RUFY4: variants seen among roughly 807,000 people sequenced by gnomAD.
The protein encoded by RUFY4 is RUN and FYVE domain-containing protein 4.
Under a neutral mutation model 69.0 loss-of-function variants are expected in RUFY4, and 73 were observed. The ratio of observed to expected loss-of-function variants is 1.06; its 90% confidence interval spans 0.88 to 1.29. The LOEUF is 1.29. Among genes scored for constraint, RUFY4 ranks in the 50% most tolerant of loss-of-function variants. The pLI is 0.00. For missense variants in RUFY4, 770 were observed against 705.6 expected (o/e 1.09, Z -1.03); for synonymous variants, 287 against 271.8 (o/e 1.06, Z -0.55).
At chr2:218,066,950 C>T (rs911784630), upstream of RUFY4, among the ~76,000 whole-genome samples, 7 of 152,192 alleles carry the variant, frequency 4.6e-5, no homozygotes, top group Admixed American at 2.0e-4. Flanking sequence ...CTGAGGATAC[C>T]GATACACCTG....
At chr2:218,088,348 C>G (rs1219750699) in intron 9 of RUFY4, among the ~76,000 whole-genome samples, 1 of 151,408 alleles carries the variant, frequency 6.6e-6, no homozygotes, top group Non-Finnish European at 1.5e-5. Flanking sequence ...GTCCCAGCTA[C>G]TCAGGAGGCT....
upstream of RUFY4, among the ~76,000 whole-genome samples, chr2:218,066,646 A>G (rs1689339231): frequency 6.6e-6 from 1 of 152,210 alleles, no homozygotes; most frequent in African/African-American, 2.4e-5. Flanking sequence ...TATACCCTCC[A>G]CCAGCTTTTC....
intron 2 of RUFY4, among the ~76,000 whole-genome samples, 190 bp from the exon 5 acceptor site, chr2:218,072,184 C>G (rs1689504279): frequency 6.6e-6 from 1 of 152,310 alleles, no homozygotes; most frequent in Admixed American, 6.5e-5. Context: ...TGAATAAGAA[C>G]ACTGAGGCTC....
At chr2:218,084,024 A>G (rs1368072686) in intron 9 of RUFY4, among the ~76,000 whole-genome samples, 25 of 152,146 alleles carry the variant, frequency 1.6e-4, no homozygotes, top group Admixed American at 1.6e-3. Context: ...CAGCTGTCCT[A>G]GGTTCCAGAC....
At chr2:218,045,982 A>AT (rs1025554839) in intron 2 of RUFY4, among the ~76,000 whole-genome samples, 11 of 151,658 alleles carry the variant, frequency 7.3e-5, no homozygotes, top group Non-Finnish European at 1.3e-4. Flanking sequence ...TTTTTTTTGT[A>AT]TTTTTAGTAG....
intron 2 of RUFY4, among the ~76,000 whole-genome samples, chr2:218,052,791 A>T (rs1688976533): frequency 6.6e-6 from 1 of 150,970 alleles, no homozygotes; most frequent in African/African-American, 2.4e-5. Context: ...TAATATTAAT[A>T]AACTAATATT....
intron 2 of RUFY4, among the ~76,000 whole-genome samples, chr2:218,050,654 A>G (rs1190334955): frequency 6.6e-6 from 1 of 152,060 alleles, no homozygotes; most frequent in South Asian, 2.1e-4. Flanking sequence ...TCTCTGTATT[A>G]CCACACATTT....
At chr2:218,068,210 G>A (rs1449832482), upstream of RUFY4, among the ~76,000 whole-genome samples, 11 of 150,324 alleles carry the variant, frequency 7.3e-5, no homozygotes, top group Middle Eastern at 6.9e-3. Flanking sequence ...CAGGGGGCTG[G>A]AGGATGGCAG....
intron 2 of RUFY4, among the ~76,000 whole-genome samples, chr2:218,049,905 C>T (rs528982984): frequency 1.3e-5 from 2 of 152,178 alleles, no homozygotes; most frequent in Non-Finnish European, 2.9e-5. Context: ...GTGATAGTGA[C>T]AGGAGACAGA....
At chr2:218,056,200 T>C (rs1689059567) in intron 2 of RUFY4, among the ~76,000 whole-genome samples, 1 of 152,078 alleles carries the variant, frequency 6.6e-6, no homozygotes, top group African/African-American at 2.4e-5. Flanking sequence ...ATTGTACAAA[T>C]TGGATTTATT....
intron 2 of RUFY4, among the ~76,000 whole-genome samples, chr2:218,051,589 C>T (rs1356936555): frequency 8.9e-6 from 1 of 112,230 alleles, no homozygotes; most frequent in African/African-American, 3.1e-5. Flanking sequence ...AAAAAAAAAA[C>T]ACAGAAAAGT....
At chr2:218,075,048 G>A in intron 6 of RUFY4, 45 bp from the exon 9 acceptor site, 1 of 1,472,852 alleles carries the variant, frequency 6.8e-7, no homozygotes, top group Non-Finnish European at 9.0e-7. Context: ...CCAGGTCAGT[G>A]AATTGGTGCT....
intron 2 of RUFY4, among the ~76,000 whole-genome samples, chr2:218,050,552 C>G (rs1436333070): frequency 1.3e-5 from 2 of 152,224 alleles, no homozygotes; most frequent in Non-Finnish European, 2.9e-5. Context: ...GTGAAAGAAG[C>G]CACTGAGTGC....
chr2:218,053,059 A>G (rs7572512), intron 2 of RUFY4, among the ~76,000 whole-genome samples: 4,814 of 152,214 alleles, frequency 0.032, 264 homozygotes, highest in African/African-American at 0.11. Context: ...TCCTGGGCTC[A>G]AGGAATCCTC....
intron 2 of RUFY4, among the ~76,000 whole-genome samples, chr2:218,042,980 A>G (rs1001668326): frequency 6.6e-6 from 1 of 152,170 alleles, no homozygotes; most frequent in African/African-American, 2.4e-5. Flanking sequence ...CTGGCTGGAA[A>G]CCTCTGTGGC....
At position 218,089,374 on chromosome 2, in the gene RUFY4, G is replaced by A. The variant is rs779214637; in HGVS notation, c.1613+12G>A. 2 of 1,609,486 alleles carry A rather than the reference G, an allele frequency of 1.2e-6. No homozygotes were observed. The highest frequency in any genetic ancestry group is 1.1e-5 in the South Asian group (1 of 90,610). On this transcript the variant is annotated intron_variant, in intron 10 of 10. Transcript: ENST00000344321. ...CGGTATCCATGCAGGTAAAGGGAAG[G>A]GCACAGAATCCTCCCTCTGGGACAG...
chr2:218,070,676 T>C, intron 1 of RUFY4, 25 bp downstream of exon 3: 1 of 1,536,456 alleles, frequency 6.5e-7, no homozygotes, highest in Middle Eastern at 1.7e-4. Context: ...AGAGATGCTC[T>C]GGGACTGAGT....
chr2:218,066,332 T>C (rs10932740), upstream of RUFY4, among the ~76,000 whole-genome samples: 86,112 of 151,562 alleles, frequency 0.57, 26,797 homozygotes, highest in African/African-American at 0.82. Flanking sequence ...TACAGGCGCC[T>C]GCAACCACAC....
Position 218,083,094 on chromosome 2 carries a change from T to G in RUFY4, c.1356-16T>G. On this transcript the variant is annotated splice_polypyrimidine_tract_variant and intron_variant, in intron 8 of 10. Coordinates refer to ENST00000344321, the Ensembl canonical transcript of RUFY4. ...AGCTTTGCCCCCTGAGAACCTAGTC[T>G]TCCTTCTGTACCCAGGTGTCAGGAA... is the stretch of plus-strand genomic sequence containing the variant. 6.2e-7 allele frequency: 1 copy of G among 1,611,158 alleles called. No individual in the cohort carries two copies. The highest frequency in any genetic ancestry group is 8.5e-7 in the Non-Finnish European group (1 of 1,179,346).
Sources: allele counts gnomAD v4.1 joint callset (sites outside exome capture counted in the v4.1 genomes callset), GRCh38; gene constraint gnomAD v4.1.1; transcripts MANE v1.5; gene names NCBI Gene and HGNC (gene_info 2026-07-23, HGNC 2026-07-21).